The following AHDC1 variants were observed in gnomAD, a reference collection of about 807,000 sequenced individuals.
AHDC1 encodes AT-hook DNA binding motif containing 1, also known as transcription factor Gibbin.
Under a neutral mutation model 87.9 loss-of-function variants are expected in AHDC1, and 7 were observed. The observed-to-expected ratio is 0.08, with a 90% confidence interval of 0.05 to 0.15. The LOEUF is 0.15. Among genes scored for constraint, AHDC1 ranks in the 10% least tolerant of loss-of-function variants. The pLI is 1.00. For missense variants in AHDC1, 1,841 were observed against 2,253.2 expected (o/e 0.82, Z 3.70); for synonymous variants, 1,051 against 1,006.8 (o/e 1.04, Z -0.83).
chr1:27,566,451 G>T (rs2020317416), intron 3 of AHDC1, among the ~76,000 whole-genome samples: 1 of 151,936 alleles, frequency 6.6e-6, no homozygotes, highest in Non-Finnish European at 1.5e-5. Context: ...CACACGCACA[G>T]GGGGGAAGAG....
chr1:27,550,807 G>C lies in AHDC1; in HGVS notation c.1309C>G (p.Pro437Ala), dbSNP rs1296897595. 3.8e-6 allele frequency: 6 copies of C among 1,566,014 alleles called. No individual in the cohort carries two copies. The highest frequency in any genetic ancestry group is 4.3e-6 in the Non-Finnish European group (5 of 1,156,720). ...AEPPPPPPPP[P>A]PALPGPGPVS... ...GGGCCTGGGCCTGGCAGGGCAGGGG[G>C]TGGAGGAGGCGGTGGTGGTGGGGGT... is the stretch of plus-strand genomic sequence containing the variant. The change falls in exon 8 of 9, where the codon CCC becomes GCC. Residue 437 changes from proline to alanine, a missense_variant. Coordinates refer to ENST00000673934, the MANE Select transcript of AHDC1 (RefSeq NM_001371928.1).
intron 3 of AHDC1, among the ~76,000 whole-genome samples, chr1:27,594,976 C>T (rs1045420974): frequency 6.6e-6 from 1 of 151,732 alleles, no homozygotes; most frequent in African/African-American, 2.4e-5. Flanking sequence ...GGAAAAGTAC[C>T]GGAGCTGAGA....
At chr1:27,557,657 C>T (rs1197696555) in intron 5 of AHDC1, among the ~76,000 whole-genome samples, 1 of 152,198 alleles carries the variant, frequency 6.6e-6, no homozygotes, top group African/African-American at 2.4e-5. Context: ...CGTGTGCATA[C>T]ACCGTACCAT....
At chr1:27,543,543 C>T (rs2019021805) in intron 8 of AHDC1, among the ~76,000 whole-genome samples, 1 of 152,224 alleles carries the variant, frequency 6.6e-6, no homozygotes, top group Non-Finnish European at 1.5e-5. Flanking sequence ...AATGCCCTTC[C>T]CCCGGTCTCC....
At chr1:27,581,374 C>G (rs74510251) in intron 3 of AHDC1, among the ~76,000 whole-genome samples, 4,356 of 151,806 alleles carry the variant, frequency 0.029, 180 homozygotes, top group African/African-American at 0.099. Context: ...GAGAAAGCCC[C>G]TAGGTCTCAT....
At position 27,551,979 on chromosome 1, in the gene AHDC1, C is replaced by A; in HGVS notation, c.137G>T (p.Ser46Ile). 1.1e-6 allele frequency: 1 copy of A among 904,422 alleles called. No individual in the cohort carries two copies. The highest frequency in any genetic ancestry group is 1.3e-6 in the Non-Finnish European group (1 of 771,214). 56.0% of individuals were successfully genotyped at this position (904,422 alleles called of 1,614,324 possible). Residue 46 changes from serine (S) to isoleucine (I), a missense_variant, in exon 8 of 9, where the codon AGC (serine) becomes ATC (isoleucine). By Grantham distance (142) the Ser-to-Ile change is moderately radical. Around this residue, in one of 13 missense-constraint regions of AHDC1, gnomAD observed 142 missense variants for 165.6 expected, o/e 0.86. Transcript: ENST00000673934. ...RPLLPTRPPA[S>I]PPDKAFSTHA... ...GGTGGAGAAGGCCTTGTCAGGTGGGCTGGCAGGGGGCCGGGTGGGAAGCAG... is the reference window on the plus strand; with the variant it reads ...GGTGGAGAAGGCCTTGTCAGGTGGGATGGCAGGGGGCCGGGTGGGAAGCAG...
rs2148264419 is a variant in AHDC1, at chr1:27,548,286, C to T, written c.3830G>A (p.Gly1277Asp). ...GPRQPRGGRG[G>D]GACSAKKERG... ...CTCCTTCTTGGCTGAGCAGGCCCCA[C>T]CGCCCCGTCCACCTCGCGGCTGCCG... Residue 1277 changes from glycine (G) to aspartate (D), a missense_variant, in exon 8 of 9, where the codon GGT (glycine) becomes GAT (aspartate). Around this residue, in one of 13 missense-constraint regions of AHDC1, gnomAD observed 505 missense variants for 626.2 expected, o/e 0.81. Coordinates refer to ENST00000673934, the MANE Select transcript of AHDC1 (RefSeq NM_001371928.1). 1.2e-6 allele frequency: 2 copies of T among 1,607,226 alleles called. No individual in the cohort carries two copies. The highest frequency in any genetic ancestry group is 1.7e-6 in the Non-Finnish European group (2 of 1,175,778).
Position 27,549,128 on chromosome 1 carries a change from C to A in AHDC1, c.2988G>T (p.Lys996Asn). 1 of 1,553,156 alleles carries A rather than the reference C, an allele frequency of 6.4e-7. No homozygotes were observed. Among genetic ancestry groups the A allele is most frequent in the Non-Finnish European group, 8.7e-7 (1 of 1,148,074 alleles). Residue 996 changes from lysine (K) to asparagine (N), a missense_variant, in exon 8 of 9, where the codon AAG becomes AAT. This residue lies in a region of AHDC1 where 378 missense variants were observed against 399.0 expected (regional missense o/e 0.95). Coordinates refer to ENST00000673934, the MANE Select transcript of AHDC1 (RefSeq NM_001371928.1). Reference protein sequence around the residue: ...PFTGQDCANSKDCSFAYGSGN... With the variant: ...PFTGQDCANSNDCSFAYGSGN... ...CACTGCCATAGGCGAAGCTGCAGTC[C>A]TTGCTGTTAGCGCAGTCCTGGCCTG...
intron 3 of AHDC1, among the ~76,000 whole-genome samples, chr1:27,570,367 C>T (rs1413284911): frequency 1.3e-5 from 2 of 151,602 alleles, no homozygotes; most frequent in Non-Finnish European, 2.9e-5. Context: ...TACTGACTAA[C>T]AGGACAGGAG....
At chr1:27,576,172 C>T (rs2088740107) in intron 3 of AHDC1, among the ~76,000 whole-genome samples, 2 of 152,228 alleles carry the variant, frequency 1.3e-5, no homozygotes, top group Non-Finnish European at 2.9e-5. Context: ...CCACCGTGAA[C>T]CGGCGGCCAA....
intron 3 of AHDC1, among the ~76,000 whole-genome samples, chr1:27,576,865 C>T (rs2088768012): frequency 6.6e-6 from 1 of 152,186 alleles, no homozygotes. Context: ...TGACCCGTGA[C>T]CCTGGCCCTG....
In AHDC1 at chr1:27,551,942, G is replaced by A. The variant is rs759070023; in HGVS notation, c.174C>T (p.Ser58=). ...GGCGTGGGGGTGGGCGTGGGTTCTC[G>A]GAGAAGGCGTGGGTGGAGAAGGCCT... ...PDKAFSTHAF[S]ENPRPPPRRD... is the part of the protein sequence containing the mutation. Residue 58 remains serine, a synonymous_variant, in exon 8 of 9, where the codon TCC becomes TCT. Transcript: ENST00000673934. The A allele has an allele frequency of 2.1e-5, 33 of 1,558,858 alleles. No individual in the cohort carries two copies. Among genetic ancestry groups the A allele is most frequent in the Admixed American group, 5.5e-5 (3 of 54,380 alleles).
chr1:27,597,576 G>A (rs1455770169), intron 3 of AHDC1, among the ~76,000 whole-genome samples: 2 of 152,126 alleles, frequency 1.3e-5, no homozygotes, highest in African/African-American at 4.8e-5. Flanking sequence ...GGAGCAGGGA[G>A]CAAGGGGCTC....
In AHDC1 at chr1:27,548,122, C is replaced by A. The variant is rs1294179591; in HGVS notation, c.3994G>T (p.Ala1332Ser). 3 of 1,613,840 alleles carry A rather than the reference C, an allele frequency of 1.9e-6. No individual in the cohort carries two copies. Among genetic ancestry groups the A allele is most frequent in the Non-Finnish European group, 2.5e-6 (3 of 1,180,056 alleles). ...GGGTCTCGCTCTCCCACGCCGAAGG[C>A]CCTCGACTGTGAGGGCAGTGGTGAC... ...SMSPLPSQSR[A>S]FGVGERDPCD... The change falls in exon 8 of 9, where the codon GCC becomes TCC. Residue 1332 changes from alanine to serine, a missense_variant. Transcript: ENST00000673934.
At chr1:27,543,858 G>A (rs1044527518) in intron 8 of AHDC1, among the ~76,000 whole-genome samples, 2 of 151,956 alleles carry the variant, frequency 1.3e-5, no homozygotes, top group South Asian at 2.1e-4. Flanking sequence ...CAGGAGAATC[G>A]CTTGAACCCA....
chr1:27,582,251 C>T (rs1239837877), intron 3 of AHDC1, among the ~76,000 whole-genome samples: 1 of 152,212 alleles, frequency 6.6e-6, no homozygotes, highest in Non-Finnish European at 1.5e-5. Flanking sequence ...TAGCACTGTC[C>T]TCAAAGTCAT....
intron 3 of AHDC1, among the ~76,000 whole-genome samples, chr1:27,596,586 G>A (rs1030648396): frequency 2.0e-5 from 3 of 151,900 alleles, no homozygotes; most frequent in Non-Finnish European, 4.4e-5. Context: ...TCCAATCCAG[G>A]CAACAGGCTC....
Position 27,547,859 on chromosome 1 carries a change from C to T in AHDC1, c.4257G>A (p.Leu1419=), listed in dbSNP as rs1426674008. 1.3e-6 allele frequency: 2 copies of T among 1,548,598 alleles called. No individual in the cohort carries two copies. Among genetic ancestry groups the T allele is most frequent in the Non-Finnish European group, 1.7e-6 (2 of 1,144,902 alleles). ...KEELRPPPTK[L]AACEPLKHGL... is the part of the protein sequence containing the mutation. ...CATGCTTGAGGGGCTCGCAGGCAGC[C>T]AGCTTTGTGGGCGGTGGCCGCAGCT... Residue 1419 remains leucine, a synonymous_variant, in exon 8 of 9, where the codon CTG becomes CTA. Transcript: ENST00000673934. This position sits in a 1 kb window ranked among gnomAD's most constrained non-coding sequence, Gnocchi z 4.9.
chr1:27,547,836 T>C lies in AHDC1; in HGVS notation c.4280A>G (p.His1427Arg), dbSNP rs372813656. The stretch of plus-strand genomic sequence containing the variant: ...GCCCAGGCTGGCCCCCTGGAGTCCA[T>C]GCTTGAGGGGCTCGCAGGCAGCCAG... ...TKLAACEPLK[H>R]GLQGASLGHA... is the part of the protein sequence containing the mutation. Residue 1427 changes from histidine (H) to arginine (R), a missense_variant, in exon 8 of 9, where the codon CAT becomes CGT. This residue lies in a region of AHDC1 where 505 missense variants were observed against 626.2 expected (regional missense o/e 0.81). Transcript: ENST00000673934. This position sits in a 1 kb window ranked among gnomAD's most constrained non-coding sequence, Gnocchi z 4.9. The C allele has an allele frequency of 1.4e-5, 22 of 1,551,110 alleles. No homozygotes were observed. The African/African-American group carries it at 2.6e-4, about 18-fold the overall frequency.
Sources: gnomAD v4.1 joint callset for allele counts (sites outside exome capture counted in the v4.1 genomes callset) on GRCh38, gnomAD v4.1.1 for gene constraint, gnomAD v4.1.1 regional missense constraint, Gnocchi (gnomAD v3.1) non-coding constraint, MANE v1.5 for transcripts, NCBI Gene and HGNC (gene_info 2026-07-23, HGNC 2026-07-21) for gene names.